Variants in ALKBH2 observed in about 807,000 individuals in gnomAD.
ALKBH2 encodes the protein DNA oxidative demethylase ALKBH2.
In ALKBH2, 19 loss-of-function variants were observed where a neutral mutation model predicts 19.7. The observed-to-expected ratio is 0.97, with a 90% CI of 0.67 to 1.42. The LOEUF is 1.42. ALKBH2 is among the 40% of genes most tolerant of loss of function. The pLI, the probability that ALKBH2 is intolerant of heterozygous loss-of-function variation, is 0.00. For synonymous variants in ALKBH2, 135 were observed against 131.2 expected (o/e 1.03, Z -0.20); for missense variants, 310 against 328.5 (o/e 0.94, Z 0.43).
In ALKBH2 at chr12:109,092,794, C is replaced by T. The variant is rs1005916905; in HGVS notation, c.-8G>A. 8.1e-6 allele frequency: 13 copies of T among 1,605,096 alleles called. No homozygotes were observed. The highest frequency in any genetic ancestry group is 3.4e-5 in the Admixed American group (2 of 58,160). On this transcript the variant is annotated 5_prime_UTR_variant, in exon 2 of 4. Transcript: ENST00000429722. ...CACCAGGAATCTGTCCATCCTGTCCCCACAGGAAAGAAGGGACGTCAGTGG... is the reference window on the plus strand; with the variant it reads ...CACCAGGAATCTGTCCATCCTGTCCTCACAGGAAAGAAGGGACGTCAGTGG...
At position 109,092,946 on chromosome 12, in the gene ALKBH2, G is replaced by C; in HGVS notation, c.-151-9C>G. ...AAGTTTAAAACCATGTCCTAGAAAG[G>C]AAACAGAAGATGTTAAAGCCGGAAG... On this transcript the variant is annotated splice_polypyrimidine_tract_variant and intron_variant, in intron 1 of 3. Coordinates refer to ENST00000429722, the MANE Select transcript of ALKBH2 (RefSeq NM_001145374.2). The C allele has an allele frequency of 7.0e-7, 1 of 1,429,098 alleles. No individual in the cohort carries two copies. The highest frequency in any genetic ancestry group is 1.4e-5 in the African/African-American group (1 of 69,426). The allele number at this position is 1,429,098 out of a possible 1,614,324, so 88.5% of individuals were successfully genotyped here. A position where few individuals can be genotyped will look rare whatever the true frequency, so the allele number is the denominator to read the frequency against.
rs1416081818 is a variant in ALKBH2 at position 109,092,867 on chromosome 12, CTGTT to C, written c.-85_-82del. 2.6e-6 allele frequency: 4 copies of C among 1,520,950 alleles called. No individual in the cohort carries two copies. Among genetic ancestry groups the C allele is most frequent in the African/African-American group, 1.4e-5 (1 of 71,678 alleles). 94.2% of individuals were successfully genotyped at this position (1,520,950 alleles called of 1,614,324 possible). Reference sequence around the variant, plus strand: ...CAAGTTCTATCCCCAGTGCAAAAATCTGTTTGTCCAAGGGGTCTCACAGCAACAT... The same window carrying C: ...CAAGTTCTATCCCCAGTGCAAAAATCTGTCCAAGGGGTCTCACAGCAACAT... On this transcript the variant is annotated 5_prime_UTR_variant, in exon 2 of 4. Coordinates refer to ENST00000429722, the MANE Select transcript of ALKBH2 (RefSeq NM_001145374.2).
In ALKBH2 at chr12:109,089,999, AG is replaced by A. The variant is rs2042036567; in HGVS notation, c.479+9del. ...ACTTGTAACATTGAGTCCACTAAAC[AG>A]GGTGTCACCTGTTGATGAGCACAAA... On this transcript the variant is annotated intron_variant, in intron 3 of 3. Coordinates refer to ENST00000429722, the MANE Select transcript of ALKBH2 (RefSeq NM_001145374.2). 6.2e-7 allele frequency: 1 copy of A among 1,613,920 alleles called. No individual in the cohort carries two copies. The highest frequency in any genetic ancestry group is 8.5e-7 in the Non-Finnish European group (1 of 1,179,904).
In ALKBH2 at chr12:109,088,416, GC is replaced by G. The variant is rs2042002519; in HGVS notation, c.575del (p.Cys192SerfsTer33). 1 of 1,613,870 alleles carries G rather than the reference GC, an allele frequency of 6.2e-7. No homozygotes were observed. The highest frequency in any genetic ancestry group is 2.2e-5 in the East Asian group (1 of 44,862). ...CCTTATGCCGGAAGACAAAGTCTCT[GC>G]AGGCACCGAAGGAGACAGAGGCAAT... Reference protein sequence around the residue: ...SPIASVSFGACRDFVFRHKDS... With the variant: ...SPIASVSFGAXRDFVFRHKDS... On this transcript the variant is annotated frameshift_variant, in exon 4 of 4. Coordinates refer to ENST00000429722, the MANE Select transcript of ALKBH2 (RefSeq NM_001145374.2). LOFTEE classifies it high-confidence loss of function. This position sits in a 1 kb window ranked among gnomAD's most constrained non-coding sequence, Gnocchi z 4.2.
intron 2 of ALKBH2, among the ~76,000 whole-genome samples, chr12:109,091,534 G>A (rs147916982): frequency 5.3e-5 from 8 of 151,856 alleles, no homozygotes; most frequent in East Asian, 1.9e-4. Flanking sequence ...GTGGGCTTTC[G>A]TTTTTTGTTT....
chr12:109,092,261 A>T, intron 2 of ALKBH2: 1 of 464,914 alleles, frequency 2.2e-6, no homozygotes, highest in Non-Finnish European at 3.5e-6. Flanking sequence ...TCAGTAGCCA[A>T]GGAGAGATTC....
intron 2 of ALKBH2, chr12:109,092,155 C>G (rs958578690): frequency 1.1e-5 from 2 of 184,756 alleles, no homozygotes; most frequent in Non-Finnish European, 1.1e-5. Context: ...AACAAGTGGT[C>G]AGCCTGCACT....
At chr12:109,090,254 A>G in intron 2 of ALKBH2, 47 bp from the exon 3 acceptor site, 1 of 1,569,064 alleles carries the variant, frequency 6.4e-7, no homozygotes, top group Non-Finnish European at 8.7e-7. Context: ...ACCCCCATCT[A>G]GAAATCCAGA....
At chr12:109,093,017 G>C (rs2042088279) in intron 1 of ALKBH2, 80 bp from the exon 2 acceptor site, 2 of 1,157,444 alleles carry the variant, frequency 1.7e-6, no homozygotes, top group Admixed American at 7.4e-5. Context: ...GTCCACCTGT[G>C]CATCAGAATC....
rs758650416 is a variant in ALKBH2 at position 109,088,310 on chromosome 12, G to A, written c.682C>T (p.His228Tyr). The A allele has an allele frequency of 3.1e-6, 5 of 1,614,156 alleles. No individual in the cohort carries two copies. The Admixed American group carries it at 5.0e-5, about 16-fold the overall frequency. Reference protein sequence around the residue: ...LAHGSLLMMNHPTNTHWYHSL... With the variant: ...LAHGSLLMMNYPTNTHWYHSL... ...TGGTACCAGTGCGTGTTGGTCGGGT[G>A]GTTCATCATTAGTAAGCTCCCGTGG... The change falls in exon 4 of 4, where the codon CAC (histidine) becomes TAC (tyrosine). Residue 228 changes from histidine to tyrosine, a missense_variant. Physicochemically the swap from His to Tyr is moderately conservative, Grantham distance 83. Coordinates refer to ENST00000429722, the MANE Select transcript of ALKBH2 (RefSeq NM_001145374.2). This position sits in a 1 kb window ranked among gnomAD's most constrained non-coding sequence, Gnocchi z 4.2.
chr12:109,089,895 CAGTGTACTA>C lies in ALKBH2; in HGVS notation c.479+105_479+113del, dbSNP rs2042033645. On this transcript the variant is annotated intron_variant, in intron 3 of 3. Transcript: ENST00000429722. The stretch of plus-strand genomic sequence containing the variant: ...TGGCGCTATTCCACTCTTAGAGCCC[CAGTGTACTA>C]AGAAATGATTTGTACCAATGAACCA... 11 of 1,112,072 alleles carry C rather than the reference CAGTGTACTA, an allele frequency of 9.9e-6. No homozygotes were observed. The Admixed American group carries it at 2.2e-4, about 22-fold the overall frequency. The allele number at this position is 1,112,072 out of a possible 1,614,324, so 68.9% of individuals were successfully genotyped here.
At chr12:109,089,832 C>T (rs1593311535) in intron 3 of ALKBH2, 177 bp downstream of exon 3, 2 of 630,770 alleles carry the variant, frequency 3.2e-6, no homozygotes, top group East Asian at 2.8e-5. Flanking sequence ...TCACTTCCTA[C>T]TCCGGGATGA....
chr12:109,092,174 T>G, intron 2 of ALKBH2: 1 of 211,346 alleles, frequency 4.7e-6, no homozygotes, highest in Non-Finnish European at 9.3e-6. Flanking sequence ...CTCGGAGCGA[T>G]TCTGATTGAA....
At position 109,092,758 on chromosome 12, in the gene ALKBH2, T is replaced by C; in HGVS notation, c.29A>G (p.Gln10Arg). Residue 10 changes from glutamine to arginine, a missense_variant, in exon 2 of 4, where the codon CAA (glutamine) becomes CGA (arginine). Transcript: ENST00000429722. ...CTCCTGCTTCCTCAAAAGGCCCCCT[T>C]GAGCCCCTTTCACCAGGAATCTGTC... MDRFLVKGA[Q>R]GGLLRKQEEQ... 1 of 1,613,738 alleles carries C rather than the reference T, an allele frequency of 6.2e-7. No homozygotes were observed. Among genetic ancestry groups the C allele is most frequent in the Non-Finnish European group, 8.5e-7 (1 of 1,179,798 alleles).
At position 109,089,200 on chromosome 12, in the gene ALKBH2, G is replaced by A. The variant is rs76415156; in HGVS notation, c.480-688C>T. Among the ~76,000 whole-genome samples the A allele has an allele frequency of 3.4e-4, 52 of 152,174 alleles. No homozygotes were observed. The East Asian group carries it at 6.4e-3, about 19-fold the overall frequency. ...TTCTTTCCCTCATTCACTGCTTTCCGGCCATCCTGCAGCATTTTTGCTTCA... is the reference window on the plus strand; with the variant it reads ...TTCTTTCCCTCATTCACTGCTTTCCAGCCATCCTGCAGCATTTTTGCTTCA... On this transcript the variant is annotated intron_variant, in intron 3 of 3. Transcript: ENST00000429722.
In ALKBH2 at chr12:109,093,276, A is replaced by G. The variant is rs112749495; in HGVS notation, c.-181T>C. On this transcript the variant is annotated 5_prime_UTR_variant, in exon 1 of 4. Coordinates refer to ENST00000429722, the MANE Select transcript of ALKBH2 (RefSeq NM_001145374.2). ...CTGCCCCCCACCAGTGTTAAAATAGATCAGTCTAGTGATGCTCAAGTGGAT... is the reference window on the plus strand; with the variant it reads ...CTGCCCCCCACCAGTGTTAAAATAGGTCAGTCTAGTGATGCTCAAGTGGAT... 6 of 160,248 alleles carry G rather than the reference A, an allele frequency of 3.7e-5. No individual in the cohort carries two copies. The highest frequency in any genetic ancestry group is 1.2e-4 in the African/African-American group (5 of 41,630). 9.9% of individuals were successfully genotyped at this position (160,248 alleles called of 1,614,324 possible). A position where few individuals can be genotyped will look rare whatever the true frequency, so the allele number is the denominator to read the frequency against.
chr12:109,089,930 A>C, intron 3 of ALKBH2, 79 bp downstream of exon 3: 1 of 1,497,882 alleles, frequency 6.7e-7, no homozygotes, highest in Non-Finnish European at 9.3e-7. Flanking sequence ...CAATGAACCA[A>C]ATAGGGTGGA....
chr12:109,090,268 C>A (rs907400633), intron 2 of ALKBH2, 61 bp from the exon 3 acceptor site: 40 of 1,478,208 alleles, frequency 2.7e-5, no homozygotes, highest in Admixed American at 3.5e-5. Flanking sequence ...ATCCAGATGC[C>A]CCCCCCAACC....
In ALKBH2 at chr12:109,092,685, T is replaced by G. The variant is rs771439989; in HGVS notation, c.102A>C (p.Lys34Asn). Residue 34 changes from lysine (K) to asparagine (N), a missense_variant, in exon 2 of 4, where the codon AAA becomes AAC. Lys to Asn is a moderately conservative substitution (Grantham distance 94, BLOSUM62 0). Coordinates refer to ENST00000429722, the MANE Select transcript of ALKBH2 (RefSeq NM_001145374.2). ...TCCTGGGCCTCTTCCTTGTGCTTTCTTTGTCTCCTCCCAACACAGCTGGCT... is the reference window on the plus strand; with the variant it reads ...TCCTGGGCCTCTTCCTTGTGCTTTCGTTGTCTCCTCCCAACACAGCTGGCT... ...GEEPAVLGGD[K>N]ESTRKRPRRE... 1.2e-6 allele frequency: 2 copies of G among 1,614,192 alleles called. No individual in the cohort carries two copies. The highest frequency in any genetic ancestry group is 1.7e-6 in the Non-Finnish European group (2 of 1,180,042).
Sources: allele counts gnomAD v4.1 joint callset (sites outside exome capture counted in the v4.1 genomes callset), GRCh38; gene constraint gnomAD v4.1.1; non-coding constraint Gnocchi (gnomAD v3.1); transcripts MANE v1.5; gene names NCBI Gene and HGNC (gene_info 2026-07-23, HGNC 2026-07-21).